The following ZNF251 variants were observed in gnomAD, a reference collection of about 807,000 sequenced individuals.
ZNF251 encodes zinc finger protein 251.
A neutral mutation model predicts 13.5 loss-of-function variants in ZNF251; 14 were observed. That is an observed-to-expected ratio of 1.04 (90% CI 0.69 to 1.63). The LOEUF is 1.63. Ranked by LOEUF, ZNF251 falls within the 40% of genes most tolerant of loss-of-function variation. The pLI, the probability that ZNF251 is intolerant of heterozygous loss-of-function variation, is 0.00. For synonymous variants in ZNF251, 287 were observed against 295.2 expected (o/e 0.97, Z 0.28); for missense variants, 764 against 834.9 (o/e 0.92, Z 1.05).
At chr8:144,726,194 C>CA (rs35542133) in intron 4 of ZNF251, among the ~76,000 whole-genome samples, 649 of 52,038 alleles carry the variant, frequency 0.012, 8 homozygotes, top group South Asian at 0.023. Context: ...GACTCTGTCT[C>CA]AAAAAAAAAA....
At position 144,754,793 on chromosome 8, in the gene ZNF251, C is replaced by A; in HGVS notation, c.-65G>T. 6.3e-7 allele frequency: 1 copy of A among 1,581,524 alleles called. No individual in the cohort carries two copies. Among genetic ancestry groups the A allele is most frequent in the East Asian group, 2.3e-5 (1 of 43,590 alleles). ...GGAGACTGCCCTGGCCTGAAGTCTC[C>A]CCGAACTTACCTTCAGTGGGGAGAA... On this transcript the variant is annotated 5_prime_UTR_variant, in exon 2 of 5. Transcript: ENST00000292562.
chr8:144,722,661 G>A lies in ZNF251; in HGVS notation c.999C>T (p.Ser333=). 1 of 1,613,966 alleles carries A rather than the reference G, an allele frequency of 6.2e-7. No homozygotes were observed. Among genetic ancestry groups the A allele is most frequent in the Non-Finnish European group, 8.5e-7 (1 of 1,179,952 alleles). ...CNECGRGFSQ[S]PQLTQHQRIH... ...TTCTCTGATGCTGAGTTAACTGGGG[G>A]CTCTGGCTAAAGCCTCTTCCACATT... Residue 333 remains serine (S), a synonymous_variant, in exon 5 of 5, where the codon AGC becomes AGT. Transcript: ENST00000292562. This position sits in a 1 kb window ranked among gnomAD's most constrained non-coding sequence, Gnocchi z 4.8.
At position 144,734,674 on chromosome 8, in the gene ZNF251, C is replaced by T. The variant is rs968472971; in HGVS notation, c.278-11292G>A. Among the ~76,000 whole-genome samples, 4 of 152,216 alleles carry T rather than the reference C, an allele frequency of 2.6e-5. No homozygotes were observed. The highest frequency in any genetic ancestry group is 9.6e-5 in the African/African-American group (4 of 41,458). ...AAGGTAGGGACACACAGAGGTCACCCTCAGATTCTTCTGGTAATAATCTCA... is the reference window on the plus strand; with the variant it reads ...AAGGTAGGGACACACAGAGGTCACCTTCAGATTCTTCTGGTAATAATCTCA... On this transcript the variant is annotated intron_variant, in intron 4 of 4. Transcript: ENST00000292562. The surrounding 1 kb of genome is among the most constrained non-coding windows in gnomAD (Gnocchi z 4.4).
At chr8:144,725,175 G>A (rs567477126) in intron 4 of ZNF251, among the ~76,000 whole-genome samples, 37 of 152,162 alleles carry the variant, frequency 2.4e-4, no homozygotes, top group Admixed American at 2.1e-3. Flanking sequence ...CACTATGCTC[G>A]GCTAATTTTT....
chr8:144,728,239 G>A (rs755615101), intron 4 of ZNF251, among the ~76,000 whole-genome samples: 1 of 152,132 alleles, frequency 6.6e-6, no homozygotes, highest in African/African-American at 2.4e-5. Flanking sequence ...TGGCTGATCA[G>A]TGGGTCAGGA....
intron 4 of ZNF251, among the ~76,000 whole-genome samples, chr8:144,728,826 G>A (rs1013224875): frequency 2.6e-5 from 4 of 151,916 alleles, no homozygotes; most frequent in African/African-American, 9.7e-5. Context: ...GCAGTGGCTC[G>A]CACTTGTAAT....
At chr8:144,754,342 T>C in intron 2 of ZNF251, 21 bp from the exon 3 acceptor site, 3 of 1,583,864 alleles carry the variant, frequency 1.9e-6, no homozygotes, top group Non-Finnish European at 1.7e-6. Flanking sequence ...ACATCGCCGC[T>C]GCCCAGGCCA....
chr8:144,738,722 G>A, intron 4 of ZNF251: 1 of 985,230 alleles, frequency 1.0e-6, no homozygotes, highest in Non-Finnish European at 1.2e-6. Flanking sequence ...TGTGGAAACA[G>A]GATGGTTTTC....
Position 144,722,501 on chromosome 8 carries a change from T to C in ZNF251, c.1159A>G (p.Ser387Gly), listed in dbSNP as rs1173092790. 4.3e-6 allele frequency: 7 copies of C among 1,613,986 alleles called. No homozygotes were observed. The highest frequency in any genetic ancestry group is 5.1e-6 in the Non-Finnish European group (6 of 1,179,962). Residue 387 changes from serine to glycine, a missense_variant, in exon 5 of 5, where the codon AGT becomes GGT. Coordinates refer to ENST00000292562, the MANE Select transcript of ZNF251 (RefSeq NM_138367.2). The surrounding 1 kb of genome is among the most constrained non-coding windows in gnomAD (Gnocchi z 4.8). Reference sequence around the variant, plus strand: ...TGGAGGAAAAGGCTTGAGCTCTGACTGAAGGCCTTCCCACACTGATTGCAT... The same window carrying C: ...TGGAGGAAAAGGCTTGAGCTCTGACCGAAGGCCTTCCCACACTGATTGCAT... ...HKCNQCGKAF[S>G]QSSSLFLHHR...
intron 4 of ZNF251, among the ~76,000 whole-genome samples, chr8:144,733,382 G>A (rs1162868268): frequency 6.6e-6 from 1 of 152,242 alleles, no homozygotes; most frequent in Non-Finnish European, 1.5e-5. Context: ...CTCTAAAGCA[G>A]ACCACAGTGC....
At chr8:144,729,976 G>A in intron 4 of ZNF251, 1 of 909,774 alleles carries the variant, frequency 1.1e-6, no homozygotes, top group Non-Finnish European at 1.3e-6. Context: ...ATTGCAGGCA[G>A]GGCTGAGCCC....
intron 4 of ZNF251, among the ~76,000 whole-genome samples, chr8:144,725,267 G>A (rs1355880840): frequency 6.6e-6 from 1 of 152,144 alleles, no homozygotes; most frequent in African/African-American, 2.4e-5. Flanking sequence ...CGTCCGCCTC[G>A]GCCTCCCAAA....
chr8:144,721,264 T>C lies in ZNF251; in HGVS notation c.*380A>G, dbSNP rs895074028. ...ACACTTGGAGGCAGGTATATGGGAC[T>C]GAAAGTGGATGTTCTCAGCCACAAG... On this transcript the variant is annotated 3_prime_UTR_variant, in exon 5 of 5. Transcript: ENST00000292562. 6 of 286,196 alleles carry C rather than the reference T, an allele frequency of 2.1e-5. No individual in the cohort carries two copies. Among genetic ancestry groups the C allele is most frequent in the Non-Finnish European group, 3.2e-5 (5 of 155,626 alleles). The allele number at this position is 286,196 out of a possible 1,614,324, so 17.7% of individuals were successfully genotyped here.
intron 4 of ZNF251, among the ~76,000 whole-genome samples, chr8:144,747,663 G>A (rs1289342871): frequency 0.029 from 1 of 34 alleles, no homozygotes; most frequent in Non-Finnish European, 0.033. Context: ...CCAGGCTGGA[G>A]TGCGATGGCG....
chr8:144,725,976 C>T (rs979566738), intron 4 of ZNF251, among the ~76,000 whole-genome samples: 23 of 152,010 alleles, frequency 1.5e-4, no homozygotes, highest in African/African-American at 4.8e-4. Context: ...GAGGGTGGAT[C>T]ACTTGAGGCC....
chr8:144,737,539 A>G (rs1340058707), intron 4 of ZNF251, among the ~76,000 whole-genome samples: 2 of 151,538 alleles, frequency 1.3e-5, no homozygotes, highest in African/African-American at 2.4e-5. Context: ...ACAAAAAACC[A>G]GCTACGAGGC....
At chr8:144,742,211 A>T (rs1824193986) in intron 4 of ZNF251, among the ~76,000 whole-genome samples, 1 of 152,044 alleles carries the variant, frequency 6.6e-6, no homozygotes, top group Non-Finnish European at 1.5e-5. Flanking sequence ...TGAATGGGAA[A>T]AGGAAAAAAA....
At chr8:144,754,425 G>C in intron 2 of ZNF251, 104 bp from the exon 3 acceptor site, 1 of 1,460,516 alleles carries the variant, frequency 6.8e-7, no homozygotes, top group Non-Finnish European at 9.0e-7. Flanking sequence ...GCCCTGCTGT[G>C]GTCAGTATGA....
chr8:144,737,123 C>T (rs1164804484), intron 4 of ZNF251, among the ~76,000 whole-genome samples: 1 of 151,002 alleles, frequency 6.6e-6, no homozygotes. Flanking sequence ...TTGCTTAAGA[C>T]AGTCTTGCTC....
Sources: allele counts gnomAD v4.1 joint callset (sites outside exome capture counted in the v4.1 genomes callset), GRCh38; gene constraint gnomAD v4.1.1; non-coding constraint Gnocchi (gnomAD v3.1); transcripts MANE v1.5; gene names NCBI Gene and HGNC (gene_info 2026-07-23, HGNC 2026-07-21).